Variants in FOCAD observed in about 807,000 individuals in gnomAD.
FOCAD encodes the protein focadhesin.
In FOCAD, 198 loss-of-function variants were observed where a neutral mutation model predicts 225.6. That is an observed-to-expected ratio of 0.88 (90% confidence interval 0.78 to 0.99). The LOEUF (loss-of-function observed/expected upper bound fraction) is 0.99, where lower values mean the gene tolerates loss of function less well. Among genes scored for constraint, FOCAD ranks in the 50% least tolerant of loss-of-function variants. The pLI, the probability that FOCAD is intolerant of heterozygous loss-of-function variation, is 0.00. For missense variants in FOCAD, 2,713 were observed against 2,123.6 expected (o/e 1.28, Z -5.46); for synonymous variants, 897 against 755.0 (o/e 1.19, Z -3.08).
At chr9:20,656,456 T>G (rs1821479298), upstream of FOCAD, among the ~76,000 whole-genome samples, 1 of 152,218 alleles carries the variant, frequency 6.6e-6, no homozygotes, top group African/African-American at 2.4e-5. Flanking sequence ...TGCATCTTGG[T>G]GCTCCTGTAT....
At chr9:20,678,885 A>G (rs1431824169) in intron 2 of FOCAD, among the ~76,000 whole-genome samples, 2 of 151,652 alleles carry the variant, frequency 1.3e-5, no homozygotes, top group Non-Finnish European at 2.9e-5. Context: ...CTTTTATTAA[A>G]CTCTTCAATG....
chr9:20,995,526 T>A (rs772539314), intron 43 of FOCAD, 30 bp from the exon 44 acceptor site: 1 of 1,584,254 alleles, frequency 6.3e-7, no homozygotes, highest in East Asian at 2.2e-5. Flanking sequence ...CCTTTTCAAA[T>A]GCAGCCATAC....
chr9:20,921,805 C>G (rs1004295582), intron 24 of FOCAD, among the ~76,000 whole-genome samples: 9 of 152,260 alleles, frequency 5.9e-5, no homozygotes, highest in Admixed American at 5.9e-4. Context: ...GTTTTTGGTA[C>G]TGTTTTAAAA....
intron 24 of FOCAD, among the ~76,000 whole-genome samples, chr9:20,918,539 C>T (rs1233974309): frequency 1.3e-5 from 2 of 151,866 alleles, no homozygotes; most frequent in African/African-American, 2.4e-5. Flanking sequence ...CCGGCTAAAA[C>T]GGTGAAACCC....
intron 15 of FOCAD, among the ~76,000 whole-genome samples, chr9:20,828,103 T>C (rs2131472281): frequency 6.6e-6 from 1 of 150,426 alleles, no homozygotes; most frequent in Non-Finnish European, 1.5e-5. Context: ...CAGTGAGCCA[T>C]GATTGCGCCA....
At chr9:20,847,871 A>G (rs1172601670) in intron 15 of FOCAD, among the ~76,000 whole-genome samples, 1 of 152,114 alleles carries the variant, frequency 6.6e-6, no homozygotes, top group African/African-American at 2.4e-5. Context: ...TAAAGTTTTC[A>G]TGTAAGGTAT....
intron 15 of FOCAD, among the ~76,000 whole-genome samples, chr9:20,857,648 TTCTTG>T (rs1347664873): frequency 6.6e-6 from 1 of 151,966 alleles, no homozygotes; most frequent in Admixed American, 6.6e-5. Flanking sequence ...AATGTGGGTA[TTCTTG>T]TCTTGTTCCA....
chr9:20,965,996 G>A (rs150697099), intron 35 of FOCAD, among the ~76,000 whole-genome samples: 1,648 of 152,174 alleles, frequency 0.011, 15 homozygotes, highest in Middle Eastern at 0.034. Flanking sequence ...GAATATTTGT[G>A]TACAAGTTTT....
chr9:20,786,987 G>T, intron 10 of FOCAD: 1 of 484,406 alleles, frequency 2.1e-6, no homozygotes, highest in Non-Finnish European at 4.1e-6. Context: ...CTGGTGCTGA[G>T]AGAAAACGCT....
At chr9:20,907,081 A>G in intron 21 of FOCAD, 69 bp from the exon 22 acceptor site, 1 of 1,249,602 alleles carries the variant, frequency 8.0e-7, no homozygotes, top group South Asian at 1.3e-5. Context: ...AGAACTGATG[A>G]AACAGTTTTA....
intron 1 of FOCAD, among the ~76,000 whole-genome samples, chr9:20,713,582 C>T (rs991668149): frequency 2.0e-5 from 3 of 152,140 alleles, no homozygotes; most frequent in African/African-American, 7.2e-5. Context: ...AAAAAATTAT[C>T]TGCTGCTTTC....
intron 1 of FOCAD, among the ~76,000 whole-genome samples, chr9:20,695,093 C>T (rs1429146932): frequency 2.0e-5 from 3 of 152,196 alleles, no homozygotes; most frequent in African/African-American, 7.2e-5. Flanking sequence ...ATCTATTGCT[C>T]TGCAAGTGGT....
chr9:20,950,909 ATGAC>A (rs893780238), intron 33 of FOCAD, 83 bp from the exon 34 acceptor site: 1 of 1,142,352 alleles, frequency 8.8e-7, no homozygotes, highest in African/African-American at 1.5e-5. Context: ...CACCTCCTAA[ATGAC>A]TGGTGACTTT....
intron 28 of FOCAD, among the ~76,000 whole-genome samples, chr9:20,938,091 A>C (rs1479466980): frequency 6.6e-6 from 1 of 151,824 alleles, no homozygotes; most frequent in East Asian, 1.9e-4. Context: ...CAGGTGCTAG[A>C]GAGGATGTGG....
intron 2 of FOCAD, among the ~76,000 whole-genome samples, chr9:20,659,202 AGAGT>A (rs1224524079): frequency 6.6e-6 from 1 of 151,966 alleles, no homozygotes; most frequent in African/African-American, 2.4e-5. Context: ...CCTAGGGAAC[AGAGT>A]GAGACTCTGC....
chr9:20,726,569 A>G (rs899589026), intron 4 of FOCAD: 11 of 152,198 alleles, frequency 7.2e-5, no homozygotes, highest in African/African-American at 2.7e-4. Flanking sequence ...TGAGACTTCT[A>G]AAGTCTACCT....
chr9:20,940,956 C>CT lies in FOCAD; in HGVS notation c.3408-3661dup, dbSNP rs1021210000. Among the ~76,000 whole-genome samples the CT allele has an allele frequency of 6.1e-4, 92 of 149,772 alleles. 1 individual carries two copies. Among genetic ancestry groups the CT allele is most frequent in the East Asian group, 4.3e-3 (22 of 5,132 alleles). ...TTCTGACATGCAAGTGTCACCCACA[C>CT]TTTTTTTTTTAATATTTTAATTCTT... On this transcript the variant is annotated intron_variant, in intron 28 of 43. Transcript: ENST00000338382.
intron 2 of FOCAD, among the ~76,000 whole-genome samples, chr9:20,669,414 T>C (rs1821990738): frequency 6.6e-6 from 1 of 152,182 alleles, no homozygotes; most frequent in Admixed American, 6.5e-5. Flanking sequence ...TCAGGATTCT[T>C]GGGCCCAGAA....
At chr9:20,910,610 T>A (rs1041920624) in intron 22 of FOCAD, among the ~76,000 whole-genome samples, 3 of 152,080 alleles carry the variant, frequency 2.0e-5, no homozygotes, top group Admixed American at 1.3e-4. Context: ...AGATTAATCA[T>A]TGGAATCTAC....
Sources: gnomAD v4.1 joint callset for allele counts (sites outside exome capture counted in the v4.1 genomes callset) on GRCh38, gnomAD v4.1.1 for gene constraint, MANE v1.5 for transcripts, NCBI Gene and HGNC (gene_info 2026-07-23, HGNC 2026-07-21) for gene names.